DMRT1: variants seen among roughly 807,000 people sequenced by gnomAD.
DMRT1 encodes doublesex- and mab-3-related transcription factor 1.
Under a neutral mutation model 32.3 loss-of-function variants are expected in DMRT1, and 7 were observed. The observed-to-expected ratio is 0.22, with a 90% CI of 0.12 to 0.41. The LOEUF is 0.41. DMRT1 is among the 10% of genes least tolerant of loss of function. The pLI, the probability that DMRT1 is intolerant of heterozygous loss-of-function variation, is 1.00. For synonymous variants in DMRT1, 278 were observed against 206.1 expected, an observed-to-expected ratio of 1.35 and a Z score of -2.99; for missense variants, 625 against 500.5, an observed-to-expected ratio of 1.25 and a Z score of -2.37.
intron 3 of DMRT1, among the ~76,000 whole-genome samples, chr9:916,211 C>G (rs1237604256): frequency 2.0e-5 from 3 of 152,158 alleles, no homozygotes; most frequent in Non-Finnish European, 1.5e-5. Flanking sequence ...CTCTTTTGTA[C>G]TGGTTAATCG....
intron 3 of DMRT1, among the ~76,000 whole-genome samples, chr9:908,657 T>G (rs1167630107): frequency 6.6e-6 from 1 of 151,694 alleles, no homozygotes; most frequent in African/African-American, 2.4e-5. Context: ...ATACAAACTT[T>G]CCTTTGGTTC....
intron 2 of DMRT1, among the ~76,000 whole-genome samples, chr9:863,351 G>A (rs1017232890): frequency 6.6e-6 from 1 of 151,288 alleles, no homozygotes; most frequent in Non-Finnish European, 1.5e-5. Flanking sequence ...CAGGGGAAGT[G>A]TGGACAGAAC....
chr9:863,814 A>G (rs1209772462), intron 2 of DMRT1, among the ~76,000 whole-genome samples: 1 of 152,234 alleles, frequency 6.6e-6, no homozygotes, highest in Non-Finnish European at 1.5e-5. Flanking sequence ...GGGGTTGAAC[A>G]TCGTTCCGTA....
intron 4 of DMRT1, among the ~76,000 whole-genome samples, chr9:943,241 A>G (rs894539561): frequency 6.6e-6 from 1 of 152,232 alleles, no homozygotes; most frequent in Non-Finnish European, 1.5e-5. Flanking sequence ...CATTCATCTG[A>G]GGATAAAACA....
At chr9:917,524 C>G (rs1818222950) in intron 4 of DMRT1, among the ~76,000 whole-genome samples, 1 of 152,164 alleles carries the variant, frequency 6.6e-6, no homozygotes, top group Non-Finnish European at 1.5e-5. Flanking sequence ...TTTACAGCTG[C>G]TGCGTTTCCA....
intron 2 of DMRT1, among the ~76,000 whole-genome samples, chr9:891,149 G>A (rs370580238): frequency 4.0e-5 from 6 of 151,430 alleles, no homozygotes; most frequent in African/African-American, 1.5e-4. Context: ...AGACCAGCCT[G>A]GGCAACATAG....
chr9:862,278 C>T (rs984423695), intron 2 of DMRT1, among the ~76,000 whole-genome samples: 58 of 152,272 alleles, frequency 3.8e-4, no homozygotes, highest in Middle Eastern at 3.4e-3. Flanking sequence ...GGCTGGCAGA[C>T]CACTCGCGGT....
intron 3 of DMRT1, among the ~76,000 whole-genome samples, chr9:915,755 CAG>C (rs1818156955): frequency 6.7e-6 from 1 of 149,640 alleles, no homozygotes; most frequent in Non-Finnish European, 1.5e-5. Context: ...ATTTTTTAGA[CAG>C]AGTCTCGCTC....
intron 4 of DMRT1, among the ~76,000 whole-genome samples, chr9:918,530 A>G (rs576694146): frequency 1.4e-4 from 22 of 152,338 alleles, no homozygotes; most frequent in Middle Eastern, 3.4e-3. Context: ...TCCAGGAAAG[A>G]AAAAGACCAG....
At position 885,366 on chromosome 9, in the gene DMRT1, A is replaced by C. The variant is rs560390351; in HGVS notation, c.539-8546A>C. On this transcript the variant is annotated intron_variant, in intron 2 of 4. Transcript: ENST00000382276. ...ATGAGATCACATGTGGGCTTGGAGAATGAGTGTAAGGTTTTACTGAGTGGA... is the reference window on the plus strand; with the variant it reads ...ATGAGATCACATGTGGGCTTGGAGACTGAGTGTAAGGTTTTACTGAGTGGA... 2.6e-5 allele frequency among the ~76,000 whole-genome samples: 4 copies of C among 152,194 alleles called. No homozygotes were observed. In the East Asian group the frequency reaches 7.7e-4, roughly 29 times the overall value.
At chr9:929,200 C>G (rs1053642745) in intron 4 of DMRT1, among the ~76,000 whole-genome samples, 18 of 152,128 alleles carry the variant, frequency 1.2e-4, no homozygotes, top group African/African-American at 3.9e-4. Context: ...TCATCTGTGT[C>G]TTCTCTGAAA....
chr9:931,543 T>G (rs1439222665), intron 4 of DMRT1, among the ~76,000 whole-genome samples: 1 of 152,220 alleles, frequency 6.6e-6, no homozygotes, highest in Non-Finnish European at 1.5e-5. Context: ...ATTTATTTTC[T>G]TATAGTCTGG....
rs1397286006 is a variant in DMRT1, at chr9:968,958, A to T, written c.*819A>T. 1 of 152,624 alleles carries T rather than the reference A, an allele frequency of 6.6e-6. No individual in the cohort carries two copies. Among genetic ancestry groups the T allele is most frequent in the Non-Finnish European group, 1.5e-5 (1 of 68,038 alleles). 9.5% of individuals were successfully genotyped at this position (152,624 alleles called of 1,614,324 possible). ...AAGTTGCTACAGATTTGAGTTCATG[A>T]TTTTGTTAAAAATTGCTATGGAGTA... On this transcript the variant is annotated 3_prime_UTR_variant, in exon 5 of 5. Transcript: ENST00000382276.
chr9:858,028 G>A (rs917598161), intron 2 of DMRT1, among the ~76,000 whole-genome samples: 1 of 151,938 alleles, frequency 6.6e-6, no homozygotes, highest in Non-Finnish European at 1.5e-5. Flanking sequence ...GTCTATTATT[G>A]TTGTACATTT....
chr9:896,363 C>G (rs1354113486), intron 3 of DMRT1, among the ~76,000 whole-genome samples: 1 of 148,354 alleles, frequency 6.7e-6, no homozygotes, highest in Non-Finnish European at 1.5e-5. Context: ...ACTGCAACCT[C>G]CACCTCCTGG....
At chr9:853,786 T>C (rs1815268394) in intron 2 of DMRT1, among the ~76,000 whole-genome samples, 2 of 151,860 alleles carry the variant, frequency 1.3e-5, no homozygotes, top group Non-Finnish European at 2.9e-5. Flanking sequence ...ATTACAGGCA[T>C]GAGCCACCAG....
chr9:958,306 A>C (rs1380451570), intron 4 of DMRT1, among the ~76,000 whole-genome samples: 1 of 152,238 alleles, frequency 6.6e-6, no homozygotes, highest in African/African-American at 2.4e-5. Flanking sequence ...AAATTCTATA[A>C]AATTCTACTT....
intron 4 of DMRT1, among the ~76,000 whole-genome samples, chr9:952,489 T>C (rs1819459939): frequency 6.6e-6 from 1 of 152,232 alleles, no homozygotes; most frequent in African/African-American, 2.4e-5. Context: ...TGGACTAACA[T>C]TTCTGATTCC....
At chr9:861,821 C>A (rs1237932279) in intron 2 of DMRT1, among the ~76,000 whole-genome samples, 21 of 145,154 alleles carry the variant, frequency 1.4e-4, no homozygotes, top group African/African-American at 5.4e-4. Flanking sequence ...GGGGCTCCTT[C>A]AGACGGGGCG....
Sources: gnomAD v4.1 joint callset for allele counts (sites outside exome capture counted in the v4.1 genomes callset) on GRCh38, gnomAD v4.1.1 for gene constraint, MANE v1.5 for transcripts, NCBI Gene and HGNC (gene_info 2026-07-23, HGNC 2026-07-21) for gene names.